The following PCDH15 variants were observed in gnomAD, a reference collection of about 807,000 sequenced individuals.
The protein encoded by PCDH15 is protocadherin-15.
In PCDH15, 129 loss-of-function variants were observed where a neutral mutation model predicts 178.5. The ratio of observed to expected loss-of-function variants is 0.72; its 90% CI spans 0.63 to 0.84. The LOEUF is 0.84. Among genes scored for constraint, PCDH15 ranks in the 40% least tolerant of loss-of-function variants. The pLI, the probability that PCDH15 is intolerant of heterozygous loss-of-function variation, is 0.00. For synonymous variants in PCDH15, 800 were observed against 732.0 expected, an observed-to-expected ratio of 1.09 and a Z score of -1.50; for missense variants, 2,230 against 2,099.9, an observed-to-expected ratio of 1.06 and a Z score of -1.21.
chr10:54,197,562 C>T (rs546555194), intron 10 of PCDH15, among the ~76,000 whole-genome samples: 105 of 152,014 alleles, frequency 6.9e-4, no homozygotes, highest in African/African-American at 2.4e-3. Flanking sequence ...TGATATTAAA[C>T]TCTGGTGTGA....
At chr10:55,143,917 GC>G (rs1838422187) in intron 2 of PCDH15, among the ~76,000 whole-genome samples, 1 of 151,894 alleles carries the variant, frequency 6.6e-6, no homozygotes, top group African/African-American at 2.4e-5. Flanking sequence ...TGGGATCTTA[GC>G]CCTTTTTACT....
At chr10:54,379,638 T>G (rs377120238) in intron 3 of PCDH15, among the ~76,000 whole-genome samples, 1 of 152,134 alleles carries the variant, frequency 6.6e-6, no homozygotes. Context: ...GAAAAGATTA[T>G]GTCTCTAACC....
chr10:54,321,034 G>T (rs1177483798), intron 7 of PCDH15, among the ~76,000 whole-genome samples: 1 of 150,304 alleles, frequency 6.7e-6, no homozygotes, highest in Non-Finnish European at 1.5e-5. Context: ...CTTTAATAGG[G>T]GTGGTAAACT....
intron 26 of PCDH15, among the ~76,000 whole-genome samples, chr10:53,898,860 T>A (rs566968735): frequency 1.2e-4 from 19 of 152,096 alleles, no homozygotes; most frequent in African/African-American, 4.6e-4. Flanking sequence ...CCAAAAATAA[T>A]ACCTAAATAA....
chr10:55,588,030 G>A (rs1207988413), intron 2 of PCDH15, among the ~76,000 whole-genome samples: 1 of 152,198 alleles, frequency 6.6e-6, no homozygotes, highest in East Asian at 1.9e-4. Context: ...GTGTGAGTGG[G>A]AAGGTGGATT....
At chr10:54,932,220 G>A (rs1047079501) in intron 2 of PCDH15, among the ~76,000 whole-genome samples, 1 of 152,166 alleles carries the variant, frequency 6.6e-6, no homozygotes, top group East Asian at 1.9e-4. Context: ...GGAGATGAGC[G>A]CTTCACGCAT....
At chr10:55,459,886 C>T (rs1839635745) in intron 2 of PCDH15, among the ~76,000 whole-genome samples, 1 of 151,806 alleles carries the variant, frequency 6.6e-6, no homozygotes, top group Non-Finnish European at 1.5e-5. Flanking sequence ...AAAAATATAA[C>T]TAAAAAAAGA....
intron 23 of PCDH15, among the ~76,000 whole-genome samples, chr10:53,946,841 G>T (rs780257608): frequency 6.6e-5 from 10 of 152,258 alleles, no homozygotes; most frequent in Non-Finnish European, 1.3e-4. Context: ...GCAGTGGCGC[G>T]ATCTCGGCTC....
At chr10:55,577,776 T>C (rs1335230488) in intron 2 of PCDH15, among the ~76,000 whole-genome samples, 1 of 152,236 alleles carries the variant, frequency 6.6e-6, no homozygotes, top group Admixed American at 6.5e-5. Flanking sequence ...GCTAACAGCA[T>C]TCTTAAATGT....
intron 1 of PCDH15, among the ~76,000 whole-genome samples, chr10:54,800,413 G>C (rs949331809): frequency 5.3e-5 from 8 of 152,116 alleles, no homozygotes; most frequent in African/African-American, 1.9e-4. Flanking sequence ...AAAAATATCA[G>C]TATACTCACA....
chr10:54,564,432 G>C (rs1483511248), intron 2 of PCDH15, among the ~76,000 whole-genome samples: 1 of 152,072 alleles, frequency 6.6e-6, no homozygotes, highest in Non-Finnish European at 1.5e-5. Flanking sequence ...AAAGTATTTG[G>C]AAAGCTGTTT....
At chr10:54,907,801 T>C (rs561770070) in intron 2 of PCDH15, among the ~76,000 whole-genome samples, 85 of 152,286 alleles carry the variant, frequency 5.6e-4, no homozygotes, top group African/African-American at 2.0e-3. Context: ...AAATTCCTAA[T>C]GATATAATTG....
chr10:54,717,726 G>A lies in PCDH15; in HGVS notation c.-28-53436C>T, dbSNP rs370512114. Among the ~76,000 whole-genome samples, 19 of 140,570 alleles carry A rather than the reference G, an allele frequency of 1.4e-4. 1 individual carries two copies. The highest frequency in any genetic ancestry group is 9.1e-4 in the South Asian group (4 of 4,388). 92.2% of individuals were successfully genotyped at this position (140,570 alleles called of 152,430 possible). ...GGCGATTCCTCAGGGATCTAGAACT[G>A]GAAATACCATTTGACCCAGCCATCC... On this transcript the variant is annotated intron_variant, in intron 1 of 37. Coordinates refer to ENST00000644397, the MANE Select transcript of PCDH15 (RefSeq NM_001384140.1).
At chr10:53,953,939 G>A (rs1015610004) in intron 23 of PCDH15, among the ~76,000 whole-genome samples, 31 of 152,138 alleles carry the variant, frequency 2.0e-4, no homozygotes, top group Middle Eastern at 3.4e-3. Flanking sequence ...ATGGGCACCC[G>A]CCACCATGCC....
rs71007809 is a variant in PCDH15, at chr10:54,122,581, C to CAA, written c.1917+10292_1917+10293dup. Among the ~76,000 whole-genome samples the CAA allele has an allele frequency of 5.5e-4, 77 of 139,596 alleles. 2 individuals are homozygous for CAA. Among genetic ancestry groups the CAA allele is most frequent in the South Asian group, 4.9e-3 (22 of 4,524 alleles). The allele number at this position is 139,596 out of a possible 152,430, so 91.6% of individuals were successfully genotyped here. On this transcript the variant is annotated intron_variant, in intron 15 of 37. Coordinates refer to ENST00000644397, the MANE Select transcript of PCDH15 (RefSeq NM_001384140.1). ...GGAAGAAACAAAAGCATCCAAATAG[C>CAA]AAAAAAAAAAGAAAAAAAAATCAGA...
At chr10:54,362,969 TTACTC>T (rs1946283634) in intron 5 of PCDH15, among the ~76,000 whole-genome samples, 1 of 152,106 alleles carries the variant, frequency 6.6e-6, no homozygotes, top group Non-Finnish European at 1.5e-5. Flanking sequence ...TTTAAAAAAT[TTACTC>T]TATATGAGCT....
intron 14 of PCDH15, among the ~76,000 whole-genome samples, chr10:54,144,804 T>C (rs923664013): frequency 3.3e-5 from 5 of 152,156 alleles, no homozygotes; most frequent in Admixed American, 6.6e-5. Context: ...ATTTTAAAAA[T>C]GGAAAAGATT....
rs148698697 is a variant in PCDH15, at chr10:54,446,662, CT to C, written c.158-67721del. Among the ~76,000 whole-genome samples the C allele has an allele frequency of 3.4e-3, 515 of 151,630 alleles. 2 individuals are homozygous for C. Among genetic ancestry groups the C allele is most frequent in the Non-Finnish European group, 5.6e-3 (380 of 67,682 alleles). On this transcript the variant is annotated intron_variant, in intron 3 of 37. Transcript: ENST00000644397. ...TACATTGTGGAATGGCTAAATCAAG[CT>C]CTTTAATGTATGCATATTTAATATA... is the stretch of plus-strand genomic sequence containing the variant.
intron 3 of PCDH15, among the ~76,000 whole-genome samples, chr10:54,522,738 C>T (rs1459888870): frequency 6.6e-6 from 1 of 152,092 alleles, no homozygotes; most frequent in Non-Finnish European, 1.5e-5. Context: ...AATAACTAAG[C>T]AAACAAATGA....
Sources: gnomAD v4.1 joint callset for allele counts (sites outside exome capture counted in the v4.1 genomes callset) on GRCh38, gnomAD v4.1.1 for gene constraint, MANE v1.5 for transcripts, NCBI Gene and HGNC (gene_info 2026-07-23, HGNC 2026-07-21) for gene names.